PTK2B: variants seen among roughly 807,000 people sequenced by gnomAD.
The protein encoded by PTK2B is protein-tyrosine kinase 2-beta.
PTK2B carries 71 observed loss-of-function variants against 142.9 expected under a neutral mutation model. That is an observed-to-expected ratio of 0.50 (90% CI 0.41 to 0.61). PTK2B has a LOEUF of 0.61. PTK2B is among the 20% of genes least tolerant of loss of function. PTK2B has a pLI of 0.00. For synonymous variants in PTK2B, 519 were observed against 503.4 expected, an observed-to-expected ratio of 1.03 and a Z score of -0.42; for missense variants, 1,105 against 1,320.4, an observed-to-expected ratio of 0.84 and a Z score of 2.53.
chr8:27,413,501 C>G (rs1470817766), intron 2 of PTK2B, among the ~76,000 whole-genome samples: 1 of 152,166 alleles, frequency 6.6e-6, no homozygotes, highest in African/African-American at 2.4e-5. Flanking sequence ...GCCTTTTGTT[C>G]TATAGGTCCC....
rs745688041 is a variant in PTK2B, at chr8:27,451,487, G to T, written c.2526G>T (p.Thr842=). Residue 842 remains threonine (T), a splice_region_variant and synonymous_variant, in exon 27 of 31, where the codon ACG becomes ACT. Coordinates refer to ENST00000346049, the MANE Select transcript of PTK2B (RefSeq NM_173176.3). ...GTTCTCTTTCCTCCTTCCTCCAGAC[G>T]CCAGAGAAGGAGGTCGGCTACCGTG... ...MVYMNDKSPL[T]PEKEVGYLEF... The T allele has an allele frequency of 6.2e-7, 1 of 1,614,070 alleles. No homozygotes were observed. Among genetic ancestry groups the T allele is most frequent in the Non-Finnish European group, 8.5e-7 (1 of 1,180,012 alleles).
At chr8:27,384,400 C>A (rs1055148316) in intron 1 of PTK2B, among the ~76,000 whole-genome samples, 23 of 152,288 alleles carry the variant, frequency 1.5e-4, no homozygotes, top group African/African-American at 5.5e-4. Flanking sequence ...ATTTGTTTAT[C>A]AACTCTAAAC....
intron 1 of PTK2B, among the ~76,000 whole-genome samples, chr8:27,367,859 AT>A (rs1395593123): frequency 1.3e-5 from 2 of 152,248 alleles, no homozygotes; most frequent in Non-Finnish European, 2.9e-5. Context: ...CATGCCATTC[AT>A]AAAGGATCCA....
chr8:27,431,280 A>G (rs1810402819), intron 8 of PTK2B, 118 bp from the exon 9 acceptor site: 8 of 1,566,414 alleles, frequency 5.1e-6, no homozygotes, highest in Non-Finnish European at 6.9e-6. Context: ...TTTCGGTGAG[A>G]AGGAGCTGGA....
At chr8:27,383,948 A>C (rs1443301301) in intron 1 of PTK2B, among the ~76,000 whole-genome samples, 1 of 151,420 alleles carries the variant, frequency 6.6e-6, no homozygotes, top group Non-Finnish European at 1.5e-5. Flanking sequence ...TCCCAGGTTC[A>C]AGCGATTCTC....
rs1810428247 is a variant in PTK2B, at chr8:27,431,544, T to G, written c.885+72T>G. 2.5e-6 allele frequency: 4 copies of G among 1,571,990 alleles called. No homozygotes were observed. In the African/African-American group the frequency reaches 5.4e-5, roughly 21 times the overall value. ...GTCCCCTCTCTGCTGCCTCCCGCCC[T>G]GTCTGCCCCTTCAGTTCTTCTTGCC... On this transcript the variant is annotated intron_variant, in intron 9 of 30. Transcript: ENST00000346049.
intron 24 of PTK2B, among the ~76,000 whole-genome samples, chr8:27,447,501 C>A (rs1811541783): frequency 6.6e-6 from 1 of 152,194 alleles, no homozygotes; most frequent in Admixed American, 6.5e-5. Context: ...CTGTGGGATG[C>A]CATACCAGCA....
chr8:27,397,333 T>A (rs1808112560), intron 1 of PTK2B: 1 of 522,900 alleles, frequency 1.9e-6, no homozygotes, highest in East Asian at 3.3e-5. Context: ...GCCCCAAGTC[T>A]GGGTTTCATA....
At chr8:27,436,985 GGGA>G in intron 15 of PTK2B, 134 bp from the exon 16 acceptor site, 1 of 764,696 alleles carries the variant, frequency 1.3e-6, no homozygotes, top group Non-Finnish European at 2.3e-6. Context: ...GAAGACAAAG[GGGA>G]GAAGAAGAGA....
intron 1 of PTK2B, among the ~76,000 whole-genome samples, chr8:27,377,088 G>A (rs1485996476): frequency 1.3e-5 from 2 of 152,154 alleles, no homozygotes; most frequent in Non-Finnish European, 2.9e-5. Context: ...CACAGCTCCA[G>A]AGGCAGAGCT....
intron 26 of PTK2B, 30 bp from the exon 27 acceptor site, chr8:27,451,455 C>T (rs750809689): frequency 1.5e-5 from 25 of 1,613,432 alleles, no homozygotes; most frequent in South Asian, 3.3e-5. Context: ...GCATGAGTGA[C>T]GTTCCTGTTC....
chr8:27,349,405 C>CA (rs1804909965), intron 1 of PTK2B, among the ~76,000 whole-genome samples: 1 of 152,236 alleles, frequency 6.6e-6, no homozygotes, highest in African/African-American at 2.4e-5. Context: ...GGCATACAGT[C>CA]AGAGAACCCG....
chr8:27,340,461 G>A (rs1804330313), intron 1 of PTK2B, among the ~76,000 whole-genome samples: 2 of 152,354 alleles, frequency 1.3e-5, no homozygotes, highest in African/African-American at 4.8e-5. Flanking sequence ...AGGGTGTCTG[G>A]ATCTAGCAGG....
intron 3 of PTK2B, among the ~76,000 whole-genome samples, chr8:27,314,227 C>T (rs1273823448): frequency 6.6e-6 from 1 of 152,216 alleles, no homozygotes; most frequent in African/African-American, 2.4e-5. Context: ...TGAGCCATTT[C>T]CAGTCTATCT....
chr8:27,418,023 A>C (rs553160816), intron 2 of PTK2B, among the ~76,000 whole-genome samples: 63 of 152,230 alleles, frequency 4.1e-4, no homozygotes, highest in Non-Finnish European at 7.8e-4. Flanking sequence ...TCCCCCAACC[A>C]GATGTCCCTC....
At chr8:27,407,443 C>T (rs1298397311) in intron 2 of PTK2B, among the ~76,000 whole-genome samples, 1 of 152,184 alleles carries the variant, frequency 6.6e-6, no homozygotes, top group South Asian at 2.1e-4. Context: ...CCGGATCAGC[C>T]GTGGTCATGA....
At chr8:27,325,058 G>T (rs913852986), upstream of PTK2B, among the ~76,000 whole-genome samples, 5 of 152,170 alleles carry the variant, frequency 3.3e-5, no homozygotes, top group African/African-American at 1.2e-4. Context: ...ATCCCTAGTG[G>T]TATTTATGAT....
At chr8:27,312,652 G>T (rs980768199) in intron 2 of PTK2B, among the ~76,000 whole-genome samples, 5 of 152,136 alleles carry the variant, frequency 3.3e-5, no homozygotes, top group African/African-American at 1.2e-4. Flanking sequence ...ATTTTTCTCT[G>T]CCCTCCTATC....
rs903951254 is a variant in PTK2B, at chr8:27,437,153, C to A, written c.1373C>A (p.Thr458Asn). 4 of 1,614,042 alleles carry A rather than the reference C, an allele frequency of 2.5e-6. No homozygotes were observed. The highest frequency in any genetic ancestry group is 3.4e-6 in the Non-Finnish European group (4 of 1,179,984). The change falls in exon 16 of 31, where the codon ACC becomes AAC. Residue 458 changes from threonine to asparagine, a missense_variant. Thr to Asn is a moderately conservative substitution (Grantham distance 65, BLOSUM62 0). Transcript: ENST00000346049. Reference protein sequence around the residue: ...KGEKINVAVKTCKKDCTLDNK... With the variant: ...KGEKINVAVKNCKKDCTLDNK... ...GAGAAAATCAATGTAGCTGTCAAGA[C>A]CTGCAAGAAAGACTGCACTCTGGAC...
Sources: allele counts gnomAD v4.1 joint callset (sites outside exome capture counted in the v4.1 genomes callset), GRCh38; gene constraint gnomAD v4.1.1; transcripts MANE v1.5; gene names NCBI Gene and HGNC (gene_info 2026-07-23, HGNC 2026-07-21).